Variants in HSPG2 observed in about 807,000 individuals in gnomAD.
The protein encoded by HSPG2 is heparan sulfate proteoglycan 2.
In HSPG2, 278 loss-of-function variants were observed where a neutral mutation model predicts 526.6. The ratio of observed to expected loss-of-function variants is 0.53; its 90% CI spans 0.48 to 0.58. HSPG2 has a LOEUF of 0.58. Ranked by LOEUF, HSPG2 falls within the 20% of genes least tolerant of loss-of-function variation. HSPG2 has a pLI of 0.00. For missense variants in HSPG2, 5,354 were observed against 6,099.5 expected (o/e 0.88, Z 4.07); for synonymous variants, 2,465 against 2,555.4 (o/e 0.96, Z 1.07).
chr1:21,911,994 A>T (rs1027783667), intron 1 of HSPG2, among the ~76,000 whole-genome samples: 3 of 152,246 alleles, frequency 2.0e-5, no homozygotes, highest in African/African-American at 7.2e-5. Context: ...TGTCAGAGGC[A>T]GCCTGGGAGG....
In HSPG2 at chr1:21,880,755, C is replaced by A; in HGVS notation, c.1899G>T (p.Pro633=). Residue 633 remains proline (P), a synonymous_variant, in exon 15 of 97, where the codon CCG becomes CCT. Transcript: ENST00000374695. ...ACCCGGCACCCATGAGGACCACGTC[C>A]GGCCGCTGCACTGGCTCCAGCATGC... is the stretch of plus-strand genomic sequence containing the variant. ...ARGMLEPVQR[P]DVVLMGAGYR... 6.3e-7 allele frequency: 1 copy of A among 1,599,844 alleles called. No individual in the cohort carries two copies. Among genetic ancestry groups the A allele is most frequent in the Non-Finnish European group, 8.5e-7 (1 of 1,173,836 alleles).
rs563171673 is a variant in HSPG2, at chr1:21,927,737, G to A, written c.63+9418C>T. Among the ~76,000 whole-genome samples the A allele has an allele frequency of 3.9e-5, 6 of 152,298 alleles. 1 individual carries two copies. In the South Asian group the frequency reaches 1.0e-3, roughly 26 times the overall value. Reference sequence around the variant, plus strand: ...TCCCAGTCCAGGAAGGAGCAATCAGGGTGGAAGGATGGACTCTGTCCTACA... The same window carrying A: ...TCCCAGTCCAGGAAGGAGCAATCAGAGTGGAAGGATGGACTCTGTCCTACA... On this transcript the variant is annotated intron_variant, in intron 1 of 96. Transcript: ENST00000374695.
chr1:21,872,612 G>A lies in HSPG2; in HGVS notation c.4029+8C>T. On this transcript the variant is annotated splice_region_variant and intron_variant, in intron 32 of 96. Transcript: ENST00000374695. This position sits in a 1 kb window ranked among gnomAD's most constrained non-coding sequence, Gnocchi z 5.5. ...CACCGCCTGGGGCTGGGCAGCACAGGCTCTCACCAGGTGGCGTGTGTAGGC... is the reference window on the plus strand; with the variant it reads ...CACCGCCTGGGGCTGGGCAGCACAGACTCTCACCAGGTGGCGTGTGTAGGC... The A allele has an allele frequency of 1.9e-6, 3 of 1,579,700 alleles. No individual in the cohort carries two copies. The highest frequency in any genetic ancestry group is 2.6e-6 in the Non-Finnish European group (3 of 1,164,336).
At chr1:21,901,062 G>A (rs1369515597) in intron 1 of HSPG2, among the ~76,000 whole-genome samples, 3 of 152,016 alleles carry the variant, frequency 2.0e-5, no homozygotes, top group South Asian at 4.1e-4. Context: ...GTCACATGCC[G>A]GCTGGGCACA....
In HSPG2 at chr1:21,842,346, G is replaced by C; in HGVS notation, c.8945C>G (p.Ser2982Cys). 6.2e-7 allele frequency: 1 copy of C among 1,610,906 alleles called. No homozygotes were observed. The highest frequency in any genetic ancestry group is 1.1e-5 in the South Asian group (1 of 90,856). ...HGSQLRLHLV[S>C]PADSGEYVCR... ...CACATACTCGCCTGAGTCGGCAGGG[G>C]AGACGAGGTGGAGCCGCAGCTGGGA... is the stretch of plus-strand genomic sequence containing the variant. Residue 2982 changes from serine (S) to cysteine (C), a missense_variant, in exon 68 of 97, where the codon TCC (serine) becomes TGC (cysteine). Ser to Cys is a moderately radical substitution (Grantham distance 112, BLOSUM62 -1). Transcript: ENST00000374695.
chr1:21,830,867 T>C, intron 85 of HSPG2, 115 bp downstream of exon 85: 1 of 699,196 alleles, frequency 1.4e-6, no homozygotes, highest in Admixed American at 2.1e-5. Flanking sequence ...AGTGCTCAGG[T>C]GAGAGTGGGG....
chr1:21,831,384 T>C (rs2098003345), intron 83 of HSPG2, 60 bp from the exon 84 acceptor site: 1 of 1,599,142 alleles, frequency 6.3e-7, no homozygotes, highest in Non-Finnish European at 8.6e-7. Context: ...TACCCTGAGG[T>C]GCCCTCCCAG....
intron 91 of HSPG2, among the ~76,000 whole-genome samples, chr1:21,827,659 G>T (rs986177775): frequency 1.3e-5 from 2 of 152,192 alleles, no homozygotes; most frequent in Admixed American, 1.3e-4. Flanking sequence ...GGTCAGAGTG[G>T]TTTCAAAGGC....
chr1:21,894,249 GAA>G (rs1045224569), intron 3 of HSPG2, among the ~76,000 whole-genome samples: 1 of 152,074 alleles, frequency 6.6e-6, no homozygotes, highest in Non-Finnish European at 1.5e-5. Flanking sequence ...GGGAGGAGGG[GAA>G]GAGCCATCTC....
At position 21,887,636 on chromosome 1, in the gene HSPG2, GGA is replaced by G; in HGVS notation, c.740_741del (p.Leu247ProfsTer69). Reference sequence around the variant, plus strand: ...GGCGGTAAAGATGTCGTCTCCACAAGGAGAGAGAATGTGGGGCTGATACCCAG... The same window carrying G: ...GGCGGTAAAGATGTCGTCTCCACAAGGAGAGAATGTGGGGCTGATACCCAG... The part of the protein sequence containing the change: ...PVLGISPTFS[L>X]LVETTSLPPR... On this transcript the variant is annotated frameshift_variant, in exon 8 of 97. Coordinates refer to ENST00000374695, the MANE Select transcript of HSPG2 (RefSeq NM_005529.7). LOFTEE classifies it high-confidence loss of function. This position sits in a 1 kb window ranked among gnomAD's most constrained non-coding sequence, Gnocchi z 5.0. The G allele has an allele frequency of 6.2e-7, 1 of 1,613,990 alleles. No individual in the cohort carries two copies.
intron 1 of HSPG2, among the ~76,000 whole-genome samples, chr1:21,921,244 G>C (rs1410230308): frequency 1.3e-5 from 2 of 152,194 alleles, no homozygotes; most frequent in Non-Finnish European, 2.9e-5. Flanking sequence ...TGGAAGCCAA[G>C]CTCAGCTGCC....
chr1:21,829,762 T>G, intron 86 of HSPG2, 158 bp from the exon 87 acceptor site: 1 of 727,550 alleles, frequency 1.4e-6, no homozygotes, highest in African/African-American at 1.8e-5. Flanking sequence ...GGAGCCCCCC[T>G]GCCCTTGCAC....
At chr1:21,924,053 G>A (rs940358503) in intron 1 of HSPG2, among the ~76,000 whole-genome samples, 8 of 152,204 alleles carry the variant, frequency 5.3e-5, no homozygotes, top group African/African-American at 1.9e-4. Flanking sequence ...GAGCACGGCA[G>A]GAGAGATTCT....
intron 17 of HSPG2, 40 bp downstream of exon 17, chr1:21,880,067 C>T (rs1641377850): frequency 1.9e-6 from 3 of 1,611,088 alleles, no homozygotes; most frequent in Non-Finnish European, 2.5e-6. Context: ...ATTGTCCCTT[C>T]TCCTATTTTA....
intron 13 of HSPG2, among the ~76,000 whole-genome samples, 169 bp downstream of exon 13, chr1:21,884,359 C>G (rs1451085889): frequency 2.0e-5 from 3 of 152,168 alleles, no homozygotes; most frequent in African/African-American, 7.2e-5. Flanking sequence ...TCCTAAACAT[C>G]TTGGTTTTCC....
rs928485560 is a variant in HSPG2, at chr1:21,893,324, G to A, written c.244+2598C>T. 6.6e-6 allele frequency among the ~76,000 whole-genome samples: 1 copy of A among 152,142 alleles called. No individual in the cohort carries two copies. Among genetic ancestry groups the A allele is most frequent in the East Asian group, 1.9e-4 (1 of 5,182 alleles). ...CCGTCAACACCCCATGGGGAAGAAC[G>A]CCCGCCAGGGTTCCAGCCCACTGTG... On this transcript the variant is annotated intron_variant, in intron 3 of 96. Coordinates refer to ENST00000374695, the MANE Select transcript of HSPG2 (RefSeq NM_005529.7). The surrounding 1 kb of genome is among the most constrained non-coding windows in gnomAD (Gnocchi z 4.3).
chr1:21,873,183 G>C, intron 30 of HSPG2, 92 bp from the exon 31 acceptor site: 1 of 1,241,306 alleles, frequency 8.1e-7, no homozygotes, highest in Non-Finnish European at 1.2e-6. Flanking sequence ...CGGGAGCTCT[G>C]ATTTCTGATG....
At chr1:21,929,890 C>T (rs114993161) in intron 1 of HSPG2, among the ~76,000 whole-genome samples, 1,936 of 152,256 alleles carry the variant, frequency 0.013, 18 homozygotes, top group Non-Finnish European at 0.017. Flanking sequence ...GCTTGAGCTC[C>T]CATCGTCTGT....
intron 1 of HSPG2, among the ~76,000 whole-genome samples, chr1:21,921,581 G>A (rs1269774388): frequency 6.6e-6 from 1 of 152,186 alleles, no homozygotes; most frequent in Non-Finnish European, 1.5e-5. Context: ...CATACCTCGG[G>A]TGCAACCAGT....
Sources: allele counts gnomAD v4.1 joint callset (sites outside exome capture counted in the v4.1 genomes callset), GRCh38; gene constraint gnomAD v4.1.1; non-coding constraint Gnocchi (gnomAD v3.1); transcripts MANE v1.5; gene names NCBI Gene and HGNC (gene_info 2026-07-23, HGNC 2026-07-21).